Variants in INSR observed in about 807,000 individuals in gnomAD.
INSR encodes insulin receptor.
A neutral mutation model predicts 142.6 loss-of-function variants in INSR; 67 were observed. The observed-to-expected ratio is 0.47, with a 90% CI of 0.39 to 0.58. The LOEUF (loss-of-function observed/expected upper bound fraction) is 0.58. INSR is among the 20% of genes least tolerant of loss of function. INSR has a pLI of 0.00. For synonymous variants in INSR, 756 were observed against 743.1 expected, an observed-to-expected ratio of 1.02 and a Z score of -0.28; for missense variants, 1,248 against 1,833.2, an observed-to-expected ratio of 0.68 and a Z score of 5.83.
At chr19:7,229,901 G>A (rs143690944) in intron 2 of INSR, among the ~76,000 whole-genome samples, 1 of 151,622 alleles carries the variant, frequency 6.6e-6, no homozygotes, top group African/African-American at 2.4e-5. Context: ...AAGTAGCTGA[G>A]ACCACAAGTC....
intron 14 of INSR, among the ~76,000 whole-genome samples, chr19:7,129,756 G>C (rs1470450606): frequency 6.6e-6 from 1 of 152,018 alleles, no homozygotes; most frequent in East Asian, 1.9e-4. Flanking sequence ...TTATTTTTTA[G>C]AGACAGGGTC....
chr19:7,140,358 C>T (rs997822591), intron 13 of INSR, among the ~76,000 whole-genome samples: 1 of 152,202 alleles, frequency 6.6e-6, no homozygotes, highest in African/African-American at 2.4e-5. Context: ...TTTATTGGTA[C>T]ACAACCACAT....
At chr19:7,153,600 C>T (rs1426198419) in intron 9 of INSR, among the ~76,000 whole-genome samples, 4 of 152,158 alleles carry the variant, frequency 2.6e-5, no homozygotes, top group Non-Finnish European at 4.4e-5. Flanking sequence ...CGCCTGTGGT[C>T]CCAGCTACTT....
intron 21 of INSR, 44 bp from the exon 22 acceptor site, chr19:7,117,454 G>A: frequency 2.0e-6 from 3 of 1,463,874 alleles, no homozygotes; most frequent in Non-Finnish European, 2.8e-6. Flanking sequence ...TGGGGGCCCT[G>A]CCACGCATCC....
chr19:7,189,955 C>G (rs564881341), intron 2 of INSR, among the ~76,000 whole-genome samples: 1 of 151,884 alleles, frequency 6.6e-6, no homozygotes, highest in African/African-American at 2.4e-5. Flanking sequence ...TGACCCACTA[C>G]GCCTGGCCGA....
Position 7,136,100 on chromosome 19 carries a change from CTGTT to C in INSR, c.2683-3787_2683-3784del, listed in dbSNP as rs552079113. On this transcript the variant is annotated intron_variant, in intron 13 of 21. Coordinates refer to ENST00000302850, the MANE Select transcript of INSR (RefSeq NM_000208.4). ...CTCACCGACACTTGTTATTGTCCGT[CTGTT>C]TGTTTTTTGCCACGCTCGTGGGCAT... Among the ~76,000 whole-genome samples the C allele has an allele frequency of 3.3e-4, 50 of 152,182 alleles. 1 individual carries two copies. The South Asian group carries it at 9.7e-3, about 30-fold the overall frequency.
At chr19:7,164,487 C>T (rs1203876376) in intron 8 of INSR, among the ~76,000 whole-genome samples, 1 of 151,554 alleles carries the variant, frequency 6.6e-6, no homozygotes, top group Admixed American at 6.6e-5. Context: ...AGTTCCAGAG[C>T]AGCCTGGCCA....
At chr19:7,202,592 G>A (rs180844460) in intron 2 of INSR, among the ~76,000 whole-genome samples, 16 of 151,938 alleles carry the variant, frequency 1.1e-4, no homozygotes, top group East Asian at 9.7e-4. Context: ...CTCTGCCCCC[G>A]GGGTTCAAGC....
In INSR at chr19:7,156,788, T is replaced by C. The variant is rs1041452479; in HGVS notation, c.2030-3861A>G. ...AATACAATACTATTTCTCTCTTTTTTTTTTTTTTTTTTTTTTTTGAGATGG... is the reference window on the plus strand; with the variant it reads ...AATACAATACTATTTCTCTCTTTTTCTTTTTTTTTTTTTTTTTTGAGATGG... On this transcript the variant is annotated intron_variant, in intron 9 of 21. Coordinates refer to ENST00000302850, the MANE Select transcript of INSR (RefSeq NM_000208.4). Among the ~76,000 whole-genome samples, 395 of 136,018 alleles carry C rather than the reference T, an allele frequency of 2.9e-3. 3 individuals carry two copies. Among genetic ancestry groups the C allele is most frequent in the African/African-American group, 9.6e-3 (349 of 36,404 alleles). 89.2% of individuals were successfully genotyped at this position (136,018 alleles called of 152,430 possible).
intron 2 of INSR, among the ~76,000 whole-genome samples, chr19:7,250,407 GAAAT>G (rs1976678579): frequency 7.0e-6 from 1 of 143,760 alleles, no homozygotes; most frequent in Admixed American, 7.1e-5. Flanking sequence ...AGGGAGGTAA[GAAAT>G]AAAAAGAAAG....
At chr19:7,261,235 G>A (rs1977053973) in intron 2 of INSR, among the ~76,000 whole-genome samples, 2 of 152,062 alleles carry the variant, frequency 1.3e-5, no homozygotes, top group African/African-American at 4.8e-5. Flanking sequence ...TCTTCTGAGT[G>A]TACTTGGTTT....
intron 2 of INSR, among the ~76,000 whole-genome samples, chr19:7,251,196 C>CA (rs145283382): frequency 0.23 from 34,264 of 151,518 alleles, 4,481 homozygotes; most frequent in African/African-American, 0.34. Flanking sequence ...CCCTGGGAGA[C>CA]AAAAAAAATC....
In INSR at chr19:7,246,561, G is replaced by A. The variant is rs139767519; in HGVS notation, c.652+20784C>T. Among the ~76,000 whole-genome samples the A allele has an allele frequency of 4.9e-4, 74 of 152,266 alleles. 3 individuals are homozygous for A. In the East Asian group the frequency reaches 0.013, roughly 26 times the overall value. On this transcript the variant is annotated intron_variant, in intron 2 of 21. Transcript: ENST00000302850. ...GTCTAAACAAGAAAACTTGCCCAGC[G>A]ACCCAAAGAATCATGAGCTAAGTAC... is the stretch of plus-strand genomic sequence containing the variant.
rs1975425181 is a variant in INSR, at chr19:7,216,092, G to GT, written c.653-31456dup. Among the ~76,000 whole-genome samples the GT allele has an allele frequency of 6.6e-6, 1 of 151,860 alleles. No homozygotes were observed. The highest frequency in any genetic ancestry group is 2.4e-5 in the African/African-American group (1 of 41,382). ...AATCCCAGCACTTTGGGAGGCCAAG[G>GT]TGAGTGGACCACCTGAGGTCAGGAG... On this transcript the variant is annotated intron_variant, in intron 2 of 21. Coordinates refer to ENST00000302850, the MANE Select transcript of INSR (RefSeq NM_000208.4). The surrounding 1 kb of genome is among the most constrained non-coding windows in gnomAD (Gnocchi z 4.2).
At position 7,183,832 on chromosome 19, in the gene INSR, GT is replaced by G. The variant is rs2144986384; in HGVS notation, c.974+483del. Among the ~76,000 whole-genome samples the G allele has an allele frequency of 1.3e-5, 2 of 152,220 alleles. 1 individual carries two copies. The highest frequency in any genetic ancestry group is 2.9e-5 in the Non-Finnish European group (2 of 67,996). Reference sequence around the variant, plus strand: ...ACAGCACTTTGAGAGGCCAAGGCAGGTGGACCACCTGAGGTTGGGAGTTCGA... The same window carrying G: ...ACAGCACTTTGAGAGGCCAAGGCAGGGGACCACCTGAGGTTGGGAGTTCGA... On this transcript the variant is annotated intron_variant, in intron 3 of 21. Transcript: ENST00000302850.
chr19:7,152,228 T>A (rs1182337331), intron 10 of INSR: 2 of 220,172 alleles, frequency 9.1e-6, no homozygotes, highest in Non-Finnish European at 1.8e-5. Context: ...CCGTCTCTAC[T>A]AAAAATATAA....
At chr19:7,177,285 T>C (rs1232681965) in intron 3 of INSR, among the ~76,000 whole-genome samples, 1 of 152,046 alleles carries the variant, frequency 6.6e-6, no homozygotes, top group Non-Finnish European at 1.5e-5. Flanking sequence ...GAAGGGGAAA[T>C]TGTCTTCCTT....
intron 8 of INSR, 89 bp from the exon 9 acceptor site, chr19:7,163,288 G>T: frequency 7.7e-7 from 1 of 1,303,048 alleles, no homozygotes; most frequent in East Asian, 2.3e-5. Flanking sequence ...ACAAGTTAAA[G>T]ACATCATGAG....
intron 15 of INSR, 67 bp downstream of exon 15, chr19:7,128,785 T>C: frequency 1.9e-6 from 2 of 1,050,660 alleles, no homozygotes; most frequent in Admixed American, 1.7e-5. Context: ...CCTATACCTA[T>C]ATCAAGGCAT....
Sources: allele counts gnomAD v4.1 joint callset (sites outside exome capture counted in the v4.1 genomes callset), GRCh38; gene constraint gnomAD v4.1.1; non-coding constraint Gnocchi (gnomAD v3.1); transcripts MANE v1.5; gene names NCBI Gene and HGNC (gene_info 2026-07-23, HGNC 2026-07-21).